MED9: variants seen among roughly 807,000 people sequenced by gnomAD.
MED9 encodes mediator of RNA polymerase II transcription subunit 9.
Under a neutral mutation model 13.2 loss-of-function variants are expected in MED9, and 8 were observed. The ratio of observed to expected loss-of-function variants is 0.61; its 90% CI spans 0.36 to 1.10. The LOEUF (loss-of-function observed/expected upper bound fraction) is 1.10, where lower values mean the gene tolerates loss of function less well. Ranked by LOEUF, MED9 falls within the 50% of genes least tolerant of loss-of-function variation. The pLI is 0.02. For missense variants in MED9, 180 were observed against 193.4 expected, an observed-to-expected ratio of 0.93 and a Z score of 0.41; for synonymous variants, 87 against 82.8, an observed-to-expected ratio of 1.05 and a Z score of -0.28.
intron 1 of MED9, among the ~76,000 whole-genome samples, chr17:17,484,511 A>G (rs1193719435): frequency 6.6e-6 from 1 of 152,238 alleles, no homozygotes; most frequent in Admixed American, 6.5e-5. Context: ...CTTCCATGCC[A>G]GCTGAGACCC....
In MED9 at chr17:17,491,166, C is replaced by T. The variant is rs539410961; in HGVS notation, c.225-113C>T. ...CTAGTCAGGGGATAGACACATAAAA[C>T]GAAGTGTTCTAAAAGCTATGGCAGG... is the stretch of plus-strand genomic sequence containing the variant. On this transcript the variant is annotated intron_variant, in intron 1 of 1. Transcript: ENST00000268711. The T allele has an allele frequency of 3.0e-4, 306 of 1,028,134 alleles. 3 individuals carry two copies. The East Asian group carries it at 7.5e-3, about 25-fold the overall frequency. The allele number at this position is 1,028,134 out of a possible 1,614,324, so 63.7% of individuals were successfully genotyped here.
At chr17:17,485,189 AC>A in intron 1 of MED9, 2 of 368,942 alleles carry the variant, frequency 5.4e-6, no homozygotes, top group Non-Finnish European at 9.6e-6. Flanking sequence ...AAAAAACAAA[AC>A]AAAAAAAAAT....
intron 1 of MED9, chr17:17,487,027 A>G (rs1245701612): frequency 6.6e-6 from 1 of 152,146 alleles, no homozygotes; most frequent in Non-Finnish European, 1.5e-5. Flanking sequence ...AGGTTTGTAA[A>G]CACACCAATC....
rs1007836318 is a variant in MED9, at chr17:17,492,843, G to A, written c.*1348G>A. On this transcript the variant is annotated 3_prime_UTR_variant, in exon 2 of 2. Transcript: ENST00000268711. ...CCTGTAGCCACCTGTCAGAAGGTGG[G>A]TGGCATATTGGGGACCTGGGAATGT... The A allele has an allele frequency of 6.6e-6, 1 of 152,232 alleles. No individual in the cohort carries two copies. Among genetic ancestry groups the A allele is most frequent in the Non-Finnish European group, 1.5e-5 (1 of 68,044 alleles). 9.4% of individuals were successfully genotyped at this position (152,232 alleles called of 1,614,324 possible).
Position 17,484,547 on chromosome 17 carries a change from C to G in MED9, c.225-6732C>G, listed in dbSNP as rs138052486. The stretch of plus-strand genomic sequence containing the variant: ...GTTCCCGGGTTGTGCAGGAAGCGGC[C>G]CCCGCTAAGTGCCCACACTGGCTTC... On this transcript the variant is annotated intron_variant, in intron 1 of 1. Transcript: ENST00000268711. Among the ~76,000 whole-genome samples the G allele has an allele frequency of 4.6e-3, 694 of 152,372 alleles. 4 individuals carry two copies. Among genetic ancestry groups the G allele is most frequent in the African/African-American group, 0.016 (665 of 41,592 alleles).
chr17:17,485,944 C>G (rs1196051077), intron 1 of MED9: 1 of 152,196 alleles, frequency 6.6e-6, no homozygotes, highest in Admixed American at 6.5e-5. Flanking sequence ...CCTCATAGGT[C>G]TTGGCAGAAC....
intron 1 of MED9, chr17:17,487,371 A>C (rs1032999889): frequency 6.5e-6 from 1 of 154,648 alleles, no homozygotes; most frequent in Non-Finnish European, 1.4e-5. Flanking sequence ...AAATCTTGCC[A>C]CTGCTCACTC....
At chr17:17,486,326 T>C in intron 1 of MED9, 1 of 152,640 alleles carries the variant, frequency 6.6e-6, no homozygotes, top group Non-Finnish European at 1.5e-5. Context: ...TGGAGCCCAC[T>C]CTCTCAGCTT....
In MED9 at chr17:17,491,564, C is replaced by T. The variant is rs531359301; in HGVS notation, c.*69C>T. On this transcript the variant is annotated 3_prime_UTR_variant, in exon 2 of 2. Coordinates refer to ENST00000268711, the MANE Select transcript of MED9 (RefSeq NM_018019.3). Reference sequence around the variant, plus strand: ...GTCTCCCCACTACCATCCCCAAACGCTCCTTGGGGCGTGGTTCCTGTGGAC... The same window carrying T: ...GTCTCCCCACTACCATCCCCAAACGTTCCTTGGGGCGTGGTTCCTGTGGAC... The T allele has an allele frequency of 1.8e-5, 25 of 1,402,064 alleles. No individual in the cohort carries two copies. The South Asian group carries it at 2.3e-4, about 13-fold the overall frequency. 86.9% of individuals were successfully genotyped at this position (1,402,064 alleles called of 1,614,324 possible).
At chr17:17,480,485 C>T (rs1905014572) in intron 1 of MED9, among the ~76,000 whole-genome samples, 1 of 152,026 alleles carries the variant, frequency 6.6e-6, no homozygotes, top group African/African-American at 2.4e-5. Context: ...AGGAAGAAAC[C>T]CCCTGGTAAG....
At chr17:17,479,942 G>A (rs1905002395) in intron 1 of MED9, among the ~76,000 whole-genome samples, 1 of 152,164 alleles carries the variant, frequency 6.6e-6, no homozygotes, top group Non-Finnish European at 1.5e-5. Flanking sequence ...AGGAACTCTA[G>A]TGCAAGGACC....
At chr17:17,486,974 C>G (rs1905143379) in intron 1 of MED9, 1 of 151,384 alleles carries the variant, frequency 6.6e-6, no homozygotes, top group Non-Finnish European at 1.5e-5. Context: ...ATGTCTAGCT[C>G]AGGGATTGTA....
chr17:17,487,423 G>A (rs1905155250), intron 1 of MED9: 3 of 164,886 alleles, frequency 1.8e-5, no homozygotes, highest in South Asian at 3.2e-4. Flanking sequence ...CACTCACCGC[G>A]AAGATCTGCA....
intron 1 of MED9, chr17:17,487,380 T>C (rs1905153774): frequency 6.4e-6 from 1 of 155,866 alleles, no homozygotes; most frequent in Non-Finnish European, 1.4e-5. Flanking sequence ...CACTGCTCAC[T>C]CTTTGGGTCC....
At chr17:17,484,463 T>G (rs1905089325) in intron 1 of MED9, among the ~76,000 whole-genome samples, 1 of 152,250 alleles carries the variant, frequency 6.6e-6, no homozygotes, top group African/African-American at 2.4e-5. Context: ...ATTGACTGTC[T>G]TCTTCCCACT....
At position 17,493,093 on chromosome 17, in the gene MED9, G is replaced by A. The variant is rs1402430535; in HGVS notation, c.*1598G>A. ...CAAGACCCCCGGGGTCTTTCTGAGT[G>A]CAAGGCTGAAATGGACAAGGGCTCC... On this transcript the variant is annotated 3_prime_UTR_variant, in exon 2 of 2. Coordinates refer to ENST00000268711, the MANE Select transcript of MED9 (RefSeq NM_018019.3). 1 of 152,210 alleles carries A rather than the reference G, an allele frequency of 6.6e-6. No homozygotes were observed. Among genetic ancestry groups the A allele is most frequent in the East Asian group, 1.9e-4 (1 of 5,198 alleles). The allele number at this position is 152,210 out of a possible 1,614,324, so 9.4% of individuals were successfully genotyped here. A position where few individuals can be genotyped will look rare whatever the true frequency, so the allele number is the denominator to read the frequency against.
chr17:17,488,831 CAAAA>C (rs532899008), intron 1 of MED9, among the ~76,000 whole-genome samples: 7 of 137,434 alleles, frequency 5.1e-5, no homozygotes, highest in African/African-American at 1.8e-4. Flanking sequence ...AACTCTGTCT[CAAAA>C]AAAAAAAAGA....
intron 1 of MED9, among the ~76,000 whole-genome samples, chr17:17,480,767 G>T (rs1905020104): frequency 6.6e-6 from 1 of 152,190 alleles, no homozygotes; most frequent in Non-Finnish European, 1.5e-5. Context: ...GAATGGAGTG[G>T]TTCTGCAGCT....
At chr17:17,491,244 A>G (rs773944955) in intron 1 of MED9, 35 bp from the exon 2 acceptor site, 1 of 1,579,944 alleles carries the variant, frequency 6.3e-7, no homozygotes, top group Non-Finnish European at 8.7e-7. Context: ...ACGTGTATCA[A>G]GCTGTGAATG....
Sources: gnomAD v4.1 joint callset for allele counts (sites outside exome capture counted in the v4.1 genomes callset) on GRCh38, gnomAD v4.1.1 for gene constraint, MANE v1.5 for transcripts, NCBI Gene and HGNC (gene_info 2026-07-23, HGNC 2026-07-21) for gene names.